Variants in SLC2A7 observed in about 807,000 individuals in gnomAD.
The protein encoded by SLC2A7 is solute carrier family 2, facilitated glucose transporter member 7.
A neutral mutation model predicts 50.5 loss-of-function variants in SLC2A7; 50 were observed. The observed-to-expected ratio is 0.99, with a 90% CI of 0.79 to 1.25. The LOEUF (loss-of-function observed/expected upper bound fraction) is 1.25. Ranked by LOEUF, SLC2A7 falls within the 50% of genes most tolerant of loss-of-function variation. The pLI, the probability that SLC2A7 is intolerant of heterozygous loss-of-function variation, is 0.00. For missense variants in SLC2A7, 683 were observed against 679.1 expected (o/e 1.01, Z -0.06); for synonymous variants, 308 against 300.4 (o/e 1.03, Z -0.26).
chr1:8,997,076 C>T, the SLC2A7 span, among the ~76,000 whole-genome samples: 1 of 152,230 alleles, frequency 6.6e-6, no homozygotes, highest in East Asian at 1.9e-4. Context: ...CTGCACCCGG[C>T]CAATGTTGAG....
rs878904394 is a variant in SLC2A7, at chr1:9,008,257, G to A, written c.1117-872C>T. Reference sequence around the variant, plus strand: ...GACAAGTTGGCAGCAGAGCTGGATGGCGAGGTGGGAGGGGAGGCACTGGGA... The same window carrying A: ...GACAAGTTGGCAGCAGAGCTGGATGACGAGGTGGGAGGGGAGGCACTGGGA... On this transcript the variant is annotated intron_variant, in intron 9 of 11. Coordinates refer to ENST00000400906, the MANE Select transcript of SLC2A7 (RefSeq NM_207420.3). The surrounding 1 kb of genome is among the most constrained non-coding windows in gnomAD (Gnocchi z 5.9). Among the ~76,000 whole-genome samples, 3 of 152,150 alleles carry A rather than the reference G, an allele frequency of 2.0e-5. No individual in the cohort carries two copies. Among genetic ancestry groups the A allele is most frequent in the Non-Finnish European group, 2.9e-5 (2 of 68,024 alleles).
intron 5 of SLC2A7, among the ~76,000 whole-genome samples, 200 bp downstream of exon 5, chr1:9,018,023 T>C (rs1640855423): frequency 6.6e-6 from 1 of 152,068 alleles, no homozygotes; most frequent in African/African-American, 2.4e-5. Flanking sequence ...CAGAGCCCGA[T>C]TCCCATTCCT....
chr1:9,022,651 C>T (rs535348594), intron 3 of SLC2A7, among the ~76,000 whole-genome samples: 2 of 146,078 alleles, frequency 1.4e-5, no homozygotes, highest in South Asian at 2.2e-4. Flanking sequence ...AGCTAAGCAC[C>T]GTCAAGAACC....
In SLC2A7 at chr1:9,007,397, G is replaced by C; in HGVS notation, c.1117-12C>G. On this transcript the variant is annotated splice_polypyrimidine_tract_variant and intron_variant, in intron 9 of 11. Coordinates refer to ENST00000400906, the MANE Select transcript of SLC2A7 (RefSeq NM_207420.3). The stretch of plus-strand genomic sequence containing the variant: ...TCGGGGACCCTGTTCTGTGGGGAGA[G>C]GCAGGGCTGTCTGGGCTGAGGCCAG... The C allele has an allele frequency of 6.2e-7, 1 of 1,613,962 alleles. No homozygotes were observed. The highest frequency in any genetic ancestry group is 1.1e-5 in the South Asian group (1 of 91,074).
rs371590609 is a variant in SLC2A7 at position 9,013,682 on chromosome 1, C to G, written c.904-47G>C. ...TCAGGACAGGCCGGAAGACCCAGGA[C>G]GCTGGCTTAACTTTCTCAACTCAAG... On this transcript the variant is annotated intron_variant, in intron 7 of 11. Coordinates refer to ENST00000400906, the MANE Select transcript of SLC2A7 (RefSeq NM_207420.3). 7.8e-6 allele frequency: 12 copies of G among 1,535,806 alleles called. No individual in the cohort carries two copies. The African/African-American group carries it at 1.6e-4, about 21-fold the overall frequency.
chr1:9,005,778 A>C (rs1640645239), intron 10 of SLC2A7, among the ~76,000 whole-genome samples: 2 of 142,440 alleles, frequency 1.4e-5, no homozygotes, highest in African/African-American at 2.7e-5. Context: ...TGAGACTCCA[A>C]CTCAAAAAAA....
chr1:9,001,872 G>T (rs1640580230), downstream of SLC2A7, among the ~76,000 whole-genome samples: 1 of 152,172 alleles, frequency 6.6e-6, no homozygotes, highest in Admixed American at 6.6e-5. Flanking sequence ...GTAGAAAGAA[G>T]TAGACAGAAG....
chr1:8,994,453 C>A, the SLC2A7 span, among the ~76,000 whole-genome samples: 6 of 152,166 alleles, frequency 3.9e-5, no homozygotes, highest in African/African-American at 1.4e-4. Flanking sequence ...CAAACTCTGG[C>A]AAAGACACGC....
the SLC2A7 span, among the ~76,000 whole-genome samples, chr1:8,994,987 T>C: frequency 6.6e-6 from 1 of 151,362 alleles, no homozygotes. Flanking sequence ...CCCAGGCTGG[T>C]CTCGAACTCC....
At position 9,026,296 on chromosome 1, in the gene SLC2A7, C is replaced by A. The variant is rs770148215; in HGVS notation, c.50G>T (p.Gly17Val). ...GTPPPIPSRE[G>V]RLQPTLLLAT... ...CAGGTTCCTAGTCTTGGCACTTACC[C>A]CCTCCCTGGATGGAATGGGTGGAGG... The change falls in exon 1 of 12, where the codon GGG becomes GTG. Residue 17 changes from glycine (G) to valine (V), a missense_variant and splice_region_variant. Physicochemically the swap from Gly to Val is moderately radical, Grantham distance 109 (BLOSUM62 -3). Coordinates refer to ENST00000400906, the MANE Select transcript of SLC2A7 (RefSeq NM_207420.3). 78 of 1,609,074 alleles carry A rather than the reference C, an allele frequency of 4.8e-5. No individual in the cohort carries two copies. Among genetic ancestry groups the A allele is most frequent in the Non-Finnish European group, 6.5e-5 (76 of 1,177,598 alleles).
intron 4 of SLC2A7, 96 bp from the exon 5 acceptor site, chr1:9,018,471 T>TG: frequency 6.6e-7 from 1 of 1,512,540 alleles, no homozygotes; most frequent in Non-Finnish European, 8.9e-7. Flanking sequence ...GGCTTCTCCA[T>TG]GCTGTCAGCC....
At chr1:9,014,977 C>T (rs1455935461) in intron 6 of SLC2A7, 109 bp from the exon 7 acceptor site, 3 of 1,502,254 alleles carry the variant, frequency 2.0e-6, no homozygotes, top group Non-Finnish European at 2.7e-6. Flanking sequence ...CTTGGTTGTG[C>T]CCCAGTTGCC....
the SLC2A7 span, among the ~76,000 whole-genome samples, chr1:8,993,902 C>T: frequency 3.3e-5 from 5 of 152,194 alleles, no homozygotes; most frequent in Non-Finnish European, 7.3e-5. Flanking sequence ...ACTGGGATTA[C>T]AGGCATGAGC....
downstream of SLC2A7, among the ~76,000 whole-genome samples, chr1:8,999,558 G>T (rs1640548044): frequency 6.6e-6 from 1 of 152,154 alleles, no homozygotes; most frequent in Non-Finnish European, 1.5e-5. Flanking sequence ...GTATTTGGGT[G>T]GCCCTGGGCT....
the SLC2A7 span, among the ~76,000 whole-genome samples, chr1:8,994,788 TGAGATGGAG>T: frequency 1.3e-5 from 2 of 152,002 alleles, no homozygotes; most frequent in Non-Finnish European, 2.9e-5. Flanking sequence ...TGTTTTGTTT[TGAGATGGAG>T]TCTTGCTCCA....
In SLC2A7 at chr1:9,003,291, G is replaced by T. The variant is rs1404184438; in HGVS notation, c.*9C>A. Reference sequence around the variant, plus strand: ...TTGAATATGGGCTCCCGTCCTTCATGCAGGGCCACTAAAAGGAAGTTTCCT... The same window carrying T: ...TTGAATATGGGCTCCCGTCCTTCATTCAGGGCCACTAAAAGGAAGTTTCCT... On this transcript the variant is annotated 3_prime_UTR_variant, in exon 12 of 12. Transcript: ENST00000400906. 1 of 1,613,800 alleles carries T rather than the reference G, an allele frequency of 6.2e-7. No individual in the cohort carries two copies.
chr1:9,018,204 C>A lies in SLC2A7; in HGVS notation c.589+19G>T, dbSNP rs1442624699. ...AACGAGAGACTGGACCTAGCGTGAC[C>A]TCTGCGGCTGCCGGTTACCTGCCGG... is the stretch of plus-strand genomic sequence containing the variant. On this transcript the variant is annotated intron_variant, in intron 5 of 11. Transcript: ENST00000400906. 1.2e-6 allele frequency: 2 copies of A among 1,614,010 alleles called. No individual in the cohort carries two copies. The highest frequency in any genetic ancestry group is 1.7e-6 in the Non-Finnish European group (2 of 1,179,982).
chr1:9,007,737 CTTTCT>C (rs893044460), intron 9 of SLC2A7, among the ~76,000 whole-genome samples: 3 of 128,300 alleles, frequency 2.3e-5, no homozygotes, highest in Non-Finnish European at 5.1e-5. Flanking sequence ...CTCTACGATT[CTTTCT>C]TTTTTTTTTT....
At chr1:9,012,083 T>C (rs957391137) in intron 8 of SLC2A7, among the ~76,000 whole-genome samples, 25 of 152,034 alleles carry the variant, frequency 1.6e-4, no homozygotes, top group Non-Finnish European at 4.4e-5. Flanking sequence ...TCCATTCTAC[T>C]CCATCCCTAA....
Sources: allele counts gnomAD v4.1 joint callset (sites outside exome capture counted in the v4.1 genomes callset), GRCh38; gene constraint gnomAD v4.1.1; non-coding constraint Gnocchi (gnomAD v3.1); transcripts MANE v1.5; gene names NCBI Gene and HGNC (gene_info 2026-07-23, HGNC 2026-07-21).